LCP2: variants seen among roughly 807,000 people sequenced by gnomAD.
LCP2 encodes the protein lymphocyte cytosolic protein 2, also known as 76 kDa tyrosine phosphoprotein.
Under a neutral mutation model 74.5 loss-of-function variants are expected in LCP2, and 29 were observed. That is an observed-to-expected ratio of 0.39 (90% CI 0.29 to 0.53). The LOEUF is 0.53. Ranked by LOEUF, LCP2 falls within the 20% of genes least tolerant of loss-of-function variation. The pLI is 0.72. For missense variants in LCP2, 604 were observed against 634.6 expected (o/e 0.95, Z 0.52); for synonymous variants, 228 against 229.5 (o/e 0.99, Z 0.06).
chr5:170,290,681 T>C (rs1222272400), intron 2 of LCP2, among the ~76,000 whole-genome samples: 1 of 152,182 alleles, frequency 6.6e-6, no homozygotes, highest in East Asian at 1.9e-4. Context: ...CCTGGGTTCT[T>C]GATGTCTTCT....
intron 2 of LCP2, 92 bp downstream of exon 2, chr5:170,293,218 C>T: frequency 7.9e-7 from 1 of 1,266,668 alleles, no homozygotes; most frequent in Non-Finnish European, 1.1e-6. Context: ...CTCGGGTGTC[C>T]CCAGGGAAAG....
chr5:170,282,483 T>TC (rs1488287533), intron 3 of LCP2, among the ~76,000 whole-genome samples: 1 of 152,124 alleles, frequency 6.6e-6, no homozygotes, highest in Non-Finnish European at 1.5e-5. Flanking sequence ...CTAAATGACT[T>TC]CCCCAAGGTC....
Position 170,266,819 on chromosome 5 carries a change from G to C in LCP2, c.761C>G (p.Pro254Arg). The C allele has an allele frequency of 6.2e-7, 1 of 1,613,316 alleles. No individual in the cohort carries two copies. The highest frequency in any genetic ancestry group is 8.5e-7 in the Non-Finnish European group (1 of 1,179,288). ...TGAATCATACCCACCTAGTGTGAAG[G>C]GTTCTCTATCAAACGGAGCTAATGA... ...DRSLAPFDRE[P>R]FTLGKKPPFS... Residue 254 changes from proline to arginine, a missense_variant, in exon 10 of 21, where the codon CCC (proline) becomes CGC (arginine). Transcript: ENST00000046794.
chr5:170,291,226 AAAGGAAGG>A (rs1331302490), intron 2 of LCP2, among the ~76,000 whole-genome samples: 3 of 52,914 alleles, frequency 5.7e-5, no homozygotes, highest in South Asian at 7.5e-4. Flanking sequence ...AGGAAGGAAG[AAAGGAAGG>A]AAGGAAGGAA....
At chr5:170,273,613 G>A (rs1237182581) in intron 6 of LCP2, among the ~76,000 whole-genome samples, 2 of 152,080 alleles carry the variant, frequency 1.3e-5, no homozygotes, top group African/African-American at 4.8e-5. Flanking sequence ...TGTGGACTCA[G>A]TTGCCTCATC....
chr5:170,283,141 A>T (rs1762130845), intron 3 of LCP2, among the ~76,000 whole-genome samples: 1 of 152,032 alleles, frequency 6.6e-6, no homozygotes. Flanking sequence ...TTAACCCTTC[A>T]TGTTCTATGG....
Position 170,250,877 on chromosome 5 carries a change from T to A in LCP2, c.1332A>T (p.Thr444=). ...AALRKINQDG[T]FLVRDSSKKT... is the part of the protein sequence containing the mutation. The stretch of plus-strand genomic sequence containing the variant: ...TTTTAGAGCTGTCTCTGACCAGAAA[T>A]GTGCCATCCTAAAAAGACAAATTCC... The change falls in exon 20 of 21, where the codon ACA becomes ACT. Residue 444 remains threonine (T), a synonymous_variant. Coordinates refer to ENST00000046794, the MANE Select transcript of LCP2 (RefSeq NM_005565.5). 3 of 1,613,344 alleles carry A rather than the reference T, an allele frequency of 1.9e-6. No individual in the cohort carries two copies. Among genetic ancestry groups the A allele is most frequent in the Non-Finnish European group, 2.5e-6 (3 of 1,179,474 alleles).
Position 170,248,637 on chromosome 5 carries a change from G to GAT in LCP2, c.*58_*59dup. On this transcript the variant is annotated 3_prime_UTR_variant, in exon 21 of 21. Transcript: ENST00000046794. ...AAGTGTTTGTCCATTGACCAAGGCT[G>GAT]ATTGATCTCGTGTTGGCAACAGAGG... 6.3e-7 allele frequency: 1 copy of GAT among 1,597,400 alleles called. No individual in the cohort carries two copies. The highest frequency in any genetic ancestry group is 8.6e-7 in the Non-Finnish European group (1 of 1,168,246).
chr5:170,261,581 C>G (rs1034057112), intron 13 of LCP2, among the ~76,000 whole-genome samples: 3 of 152,164 alleles, frequency 2.0e-5, no homozygotes, highest in Non-Finnish European at 2.9e-5. Flanking sequence ...GTAATATTCT[C>G]CCTTGCTCTT....
rs890347917 is a variant in LCP2 at position 170,288,307 on chromosome 5, ACTGTGAGAG to A, written c.142-300_142-292del. On this transcript the variant is annotated intron_variant, in intron 2 of 20. Transcript: ENST00000046794. ...GTTGGCAAATAATTTTGACTTAAAC[ACTGTGAGAG>A]CTAAATCTGTGAAACCAAACGACTC... Among the ~76,000 whole-genome samples, 33 of 152,302 alleles carry A rather than the reference ACTGTGAGAG, an allele frequency of 2.2e-4. 1 individual carries two copies. The highest frequency in any genetic ancestry group is 5.9e-5 in the Non-Finnish European group (4 of 68,026).
chr5:170,259,261 A>G (rs1343228709), intron 14 of LCP2, among the ~76,000 whole-genome samples: 1 of 152,224 alleles, frequency 6.6e-6, no homozygotes, highest in African/African-American at 2.4e-5. Context: ...CTCATTTTAC[A>G]AAAGCATGAT....
chr5:170,275,754 G>A (rs2113189697), intron 4 of LCP2, 41 bp downstream of exon 4: 1 of 1,509,886 alleles, frequency 6.6e-7, no homozygotes, highest in Non-Finnish European at 9.0e-7. Flanking sequence ...TTCAACTCGG[G>A]ACTGAAAAAT....
At chr5:170,290,614 G>T (rs1351326107) in intron 2 of LCP2, among the ~76,000 whole-genome samples, 1 of 152,208 alleles carries the variant, frequency 6.6e-6, no homozygotes, top group Admixed American at 6.5e-5. Context: ...AGGTGGAGTA[G>T]CCAACTGACA....
chr5:170,259,974 C>T (rs370142114), intron 14 of LCP2, among the ~76,000 whole-genome samples: 1 of 152,218 alleles, frequency 6.6e-6, no homozygotes, highest in Non-Finnish European at 1.5e-5. Flanking sequence ...CACTGTCCAG[C>T]CTTACCTCTG....
In LCP2 at chr5:170,270,815, C is replaced by T. The variant is rs747523987; in HGVS notation, c.427G>A (p.Ala143Thr). The part of the protein sequence containing the change: ...EEEEAPVEDD[A>T]DYEPPPSNDE... ...TTGGAGGGTGGCGGCTCATAATCCG[C>T]GTCATCTTCCACGGGTGCCTCTTCC... is the stretch of plus-strand genomic sequence containing the variant. Residue 143 changes from alanine (A) to threonine (T), a missense_variant, in exon 7 of 21, where the codon GCG becomes ACG. Coordinates refer to ENST00000046794, the MANE Select transcript of LCP2 (RefSeq NM_005565.5). The T allele has an allele frequency of 1.8e-5, 29 of 1,611,996 alleles. 1 individual carries two copies. The South Asian group carries it at 1.9e-4, about 10-fold the overall frequency.
Position 170,263,009 on chromosome 5 carries a change from G to A in LCP2, c.773-17C>T, listed in dbSNP as rs1042182545. The A allele has an allele frequency of 1.2e-6, 2 of 1,613,552 alleles. No individual in the cohort carries two copies. Among genetic ancestry groups the A allele is most frequent in the Middle Eastern group, 1.6e-4 (1 of 6,062 alleles). The stretch of plus-strand genomic sequence containing the variant: ...GTTTCTTTCCTGTAAATGACAGAGA[G>A]CAGATGGGCCATGAGTTCAGAACTT... On this transcript the variant is annotated splice_polypyrimidine_tract_variant and intron_variant, in intron 10 of 20. Transcript: ENST00000046794.
intron 1 of LCP2, among the ~76,000 whole-genome samples, chr5:170,295,657 G>T (rs1380552385): frequency 2.0e-5 from 3 of 152,220 alleles, no homozygotes; most frequent in Non-Finnish European, 4.4e-5. Flanking sequence ...ATGTTTGACA[G>T]CTAAGATCCA....
intron 1 of LCP2, 150 bp downstream of exon 1, chr5:170,297,384 T>C: frequency 1.6e-6 from 1 of 640,896 alleles, no homozygotes; most frequent in South Asian, 2.0e-5. Context: ...CAGCGGTCTA[T>C]ATGGCGCTCA....
chr5:170,268,491 A>G lies in LCP2; in HGVS notation c.524-9T>C. The G allele has an allele frequency of 3.8e-6, 1 of 263,804 alleles. No individual in the cohort carries two copies. Among genetic ancestry groups the G allele is most frequent in the Non-Finnish European group, 7.8e-6 (1 of 128,694 alleles). The allele number at this position is 263,804 out of a possible 1,614,324, so 16.3% of individuals were successfully genotyped here. On this transcript the variant is annotated splice_polypyrimidine_tract_variant and intron_variant, in intron 7 of 20. Coordinates refer to ENST00000046794, the MANE Select transcript of LCP2 (RefSeq NM_005565.5). ...CCCAGAGGGGGGCCGGTCTGTGGAA[A>G]CACAAGGTTATTAAAGTGAAAGGGG...
Sources: allele counts gnomAD v4.1 joint callset (sites outside exome capture counted in the v4.1 genomes callset), GRCh38; gene constraint gnomAD v4.1.1; transcripts MANE v1.5; gene names NCBI Gene and HGNC (gene_info 2026-07-23, HGNC 2026-07-21).